Variants in SH3RF2 observed in about 807,000 individuals in gnomAD.
SH3RF2 encodes the protein SH3 domain containing ring finger 2.
In SH3RF2, 43 loss-of-function variants were observed where a neutral mutation model predicts 59.0. That is an observed-to-expected ratio of 0.73 (90% CI 0.57 to 0.94). SH3RF2 has a LOEUF of 0.94. Ranked by LOEUF, SH3RF2 falls within the 40% of genes least tolerant of loss-of-function variation. The pLI is 0.00. For synonymous variants in SH3RF2, 391 were observed against 391.5 expected (o/e 1.00, Z 0.01); for missense variants, 930 against 940.1 (o/e 0.99, Z 0.14).
intron 2 of SH3RF2, among the ~76,000 whole-genome samples, chr5:145,985,553 T>C (rs1759666915): frequency 6.6e-6 from 1 of 152,180 alleles, no homozygotes. Context: ...GAGAGAATAA[T>C]CAACTCTATA....
At position 146,062,636 on chromosome 5, in the gene SH3RF2, C is replaced by T. The variant is rs2150024085; in HGVS notation, c.2125C>T (p.Leu709Phe). Residue 709 changes from leucine to phenylalanine, a missense_variant, in exon 10 of 10, where the codon CTT becomes TTT. Physicochemically the swap from Leu to Phe is conservative, Grantham distance 22. Transcript: ENST00000359120. ...GACAGACCTCCGGAGAAAGTCAGCT[C>T]TTGGCAAGGCCACAACCCTGGTGTC... is the stretch of plus-strand genomic sequence containing the variant. ...QQTDLRRKSA[L>F]GKATTLVSTA... 1 of 1,614,208 alleles carries T rather than the reference C, an allele frequency of 6.2e-7. No homozygotes were observed. The highest frequency in any genetic ancestry group is 8.5e-7 in the Non-Finnish European group (1 of 1,180,034).
chr5:146,019,952 C>T (rs1441323998), intron 5 of SH3RF2, among the ~76,000 whole-genome samples: 1 of 152,004 alleles, frequency 6.6e-6, no homozygotes, highest in African/African-American at 2.4e-5. Flanking sequence ...TTGTGTACAT[C>T]GATTTTGTGA....
intron 2 of SH3RF2, among the ~76,000 whole-genome samples, chr5:145,986,002 C>T (rs553811321): frequency 7.6e-4 from 109 of 144,278 alleles, no homozygotes; most frequent in Admixed American, 1.1e-3. Context: ...AGACTTGTCT[C>T]AAATAAATAA....
At chr5:145,966,936 C>T (rs993657469) in intron 2 of SH3RF2, among the ~76,000 whole-genome samples, 1 of 152,080 alleles carries the variant, frequency 6.6e-6, no homozygotes, top group Non-Finnish European at 1.5e-5. Context: ...GTGGGAGCAT[C>T]GCTTGAGCCC....
At chr5:146,078,343 A>G (rs1017207366) in intron 9 of SH3RF2, 1 of 152,230 alleles carries the variant, frequency 6.6e-6, no homozygotes, top group African/African-American at 2.4e-5. Context: ...AGACCACAGC[A>G]TCTCTTCTGG....
rs189438244 is a variant in SH3RF2, at chr5:145,942,660, T to A, written c.378+4354T>A. On this transcript the variant is annotated intron_variant, in intron 2 of 9. Transcript: ENST00000359120. ...CCCTGAAAACAGCAGATAGGTGCCA[T>A]CTGGGACAGCAAGGACCATATGTAG... is the stretch of plus-strand genomic sequence containing the variant. 3.5e-4 allele frequency among the ~76,000 whole-genome samples: 54 copies of A among 152,272 alleles called. No homozygotes were observed. The East Asian group carries it at 9.3e-3, about 26-fold the overall frequency.
chr5:146,047,154 C>CGTGTGTGTGCGTGTGT (rs1762332694), intron 5 of SH3RF2, among the ~76,000 whole-genome samples: 1 of 148,134 alleles, frequency 6.8e-6, no homozygotes, highest in Admixed American at 6.7e-5. Context: ...ATTGGATAGG[C>CGTGTGTGTGCGTGTGT]GTGTGTGTGT....
intron 4 of SH3RF2, among the ~76,000 whole-genome samples, chr5:146,007,156 G>C (rs533940539): frequency 1.3e-5 from 2 of 152,332 alleles, no homozygotes; most frequent in African/African-American, 4.8e-5. Context: ...CCATTGAAAG[G>C]TTTTTAAGTG....
At chr5:145,995,143 C>T (rs932651829) in intron 2 of SH3RF2, among the ~76,000 whole-genome samples, 4 of 152,108 alleles carry the variant, frequency 2.6e-5, no homozygotes, top group Non-Finnish European at 5.9e-5. Flanking sequence ...GTGTGGCCCT[C>T]GTCCTCAGTA....
At chr5:146,034,025 T>C (rs529973057) in intron 5 of SH3RF2, among the ~76,000 whole-genome samples, 1 of 152,348 alleles carries the variant, frequency 6.6e-6, no homozygotes, top group East Asian at 1.9e-4. Context: ...ACTGACTGCT[T>C]AGGTATTGTT....
chr5:145,988,377 A>T (rs1759799407), intron 2 of SH3RF2, among the ~76,000 whole-genome samples: 1 of 151,526 alleles, frequency 6.6e-6, no homozygotes, highest in East Asian at 1.9e-4. Context: ...TATTCTAAGG[A>T]CTTAGAGGTT....
chr5:145,959,651 G>A (rs933170378), intron 2 of SH3RF2, among the ~76,000 whole-genome samples: 18 of 144,272 alleles, frequency 1.2e-4, no homozygotes, highest in Non-Finnish European at 2.7e-4. Context: ...GTGTGTGTAT[G>A]TGTGTGTGTG....
chr5:146,015,046 A>G (rs1199408883), intron 5 of SH3RF2, among the ~76,000 whole-genome samples: 1 of 152,126 alleles, frequency 6.6e-6, no homozygotes, highest in African/African-American at 2.4e-5. Context: ...ACTTGTGCTG[A>G]TGTGTTTTTT....
intron 2 of SH3RF2, among the ~76,000 whole-genome samples, chr5:145,997,056 T>C (rs1760190296): frequency 6.6e-6 from 1 of 152,210 alleles, no homozygotes; most frequent in African/African-American, 2.4e-5. Flanking sequence ...TCATCAGGGT[T>C]CAGGTGTACA....
intron 2 of SH3RF2, among the ~76,000 whole-genome samples, chr5:145,981,303 T>G (rs1219022362): frequency 6.6e-6 from 1 of 152,080 alleles, no homozygotes; most frequent in Non-Finnish European, 1.5e-5. Context: ...CTCACCATGT[T>G]GCCCAGGCTG....
chr5:145,993,272 G>A (rs779812285), intron 2 of SH3RF2, among the ~76,000 whole-genome samples: 24 of 152,226 alleles, frequency 1.6e-4, no homozygotes, highest in Admixed American at 5.2e-4. Context: ...ACAGGCTGAT[G>A]TTGAGTGTCT....
At position 146,000,243 on chromosome 5, in the gene SH3RF2, G is replaced by A. The variant is rs764573018; in HGVS notation, c.564G>A (p.Pro188=). 1.9e-5 allele frequency: 30 copies of A among 1,613,648 alleles called. No homozygotes were observed. In the South Asian group the frequency reaches 1.9e-4, roughly 10 times the overall value. Residue 188 remains proline, a synonymous_variant, in exon 3 of 10, where the codon CCG becomes CCA. Coordinates refer to ENST00000359120, the MANE Select transcript of SH3RF2 (RefSeq NM_152550.4). ...AAGTCATCAAGCAGCTGCCCCAGCC[G>A]CCCCCGCTCTGCAGGGCCCTCTACA... ...SVEVIKQLPQ[P]PPLCRALYNF...
At chr5:146,071,178 G>A (rs1763229028) in intron 9 of SH3RF2, among the ~76,000 whole-genome samples, 1 of 152,186 alleles carries the variant, frequency 6.6e-6, no homozygotes, top group Non-Finnish European at 1.5e-5. Flanking sequence ...TACAGAGGCA[G>A]CTAAAACAGG....
At chr5:146,062,303 T>C in intron 9 of SH3RF2, 123 bp from the exon 10 acceptor site, 10 of 1,262,956 alleles carry the variant, frequency 7.9e-6, no homozygotes, top group Non-Finnish European at 1.1e-5. Context: ...CACTTGACAC[T>C]CATGGTAGCC....
Sources: allele counts gnomAD v4.1 joint callset (sites outside exome capture counted in the v4.1 genomes callset), GRCh38; gene constraint gnomAD v4.1.1; transcripts MANE v1.5; gene names NCBI Gene and HGNC (gene_info 2026-07-23, HGNC 2026-07-21).